The following CYP39A1 variants were observed in gnomAD, a reference collection of about 807,000 sequenced individuals.
CYP39A1 encodes cytochrome P450 family 39 subfamily A member 1, also known as 24-hydroxycholesterol 7-alpha-hydroxylase.
A neutral mutation model predicts 58.1 loss-of-function variants in CYP39A1; 49 were observed. The observed-to-expected ratio is 0.84, with a 90% CI of 0.67 to 1.07. CYP39A1 has a LOEUF of 1.07. Among genes scored for constraint, CYP39A1 ranks in the 50% least tolerant of loss-of-function variants. The pLI, the probability that CYP39A1 is intolerant of heterozygous loss-of-function variation, is 0.00. For missense variants in CYP39A1, 531 were observed against 539.4 expected (o/e 0.98, Z 0.16); for synonymous variants, 209 against 187.6 (o/e 1.11, Z -0.93).
chr6:46,592,111 A>G (rs1482211848), intron 8 of CYP39A1, among the ~76,000 whole-genome samples: 1 of 152,200 alleles, frequency 6.6e-6, no homozygotes, highest in African/African-American at 2.4e-5. Context: ...CATAATAAAG[A>G]GAAAGAAAGA....
intron 10 of CYP39A1, among the ~76,000 whole-genome samples, chr6:46,570,807 C>G (rs1450400214): frequency 6.6e-6 from 1 of 152,098 alleles, no homozygotes; most frequent in Admixed American, 6.6e-5. Flanking sequence ...AGGCCCCAAG[C>G]CATTCATGGG....
At chr6:46,562,431 C>A (rs1045092506) in intron 10 of CYP39A1, among the ~76,000 whole-genome samples, 1 of 151,956 alleles carries the variant, frequency 6.6e-6, no homozygotes, top group Non-Finnish European at 1.5e-5. Flanking sequence ...ATATTCAAAG[C>A]ATCATATAGT....
chr6:46,651,222 C>T, intron 1 of CYP39A1, among the ~76,000 whole-genome samples: 1 of 152,192 alleles, frequency 6.6e-6, no homozygotes, highest in East Asian at 1.9e-4. Flanking sequence ...ACCACACAAT[C>T]AATACATGCA....
At chr6:46,552,397 C>T (rs772831334) in intron 11 of CYP39A1, among the ~76,000 whole-genome samples, 83 of 152,258 alleles carry the variant, frequency 5.5e-4, no homozygotes, top group Middle Eastern at 3.4e-3. Context: ...CGATAAGTTA[C>T]TCGTCCTCAA....
chr6:46,600,466 C>T (rs1009374248), intron 7 of CYP39A1, among the ~76,000 whole-genome samples: 2 of 152,012 alleles, frequency 1.3e-5, no homozygotes, highest in Non-Finnish European at 2.9e-5. Context: ...TGAAGTGACT[C>T]TTGGAAATTA....
At chr6:46,560,347 T>C (rs1050052006) in intron 10 of CYP39A1, among the ~76,000 whole-genome samples, 45 of 152,184 alleles carry the variant, frequency 3.0e-4, no homozygotes, top group African/African-American at 8.9e-4. Flanking sequence ...TAGAACAGGA[T>C]GGTAGAAATA....
chr6:46,624,439 T>C (rs911294572), intron 7 of CYP39A1, among the ~76,000 whole-genome samples: 2 of 152,192 alleles, frequency 1.3e-5, no homozygotes, highest in Non-Finnish European at 2.9e-5. Flanking sequence ...ATGATAATGA[T>C]GCTCACCATT....
chr6:46,648,501 G>A (rs1299123057), intron 1 of CYP39A1, among the ~76,000 whole-genome samples: 7 of 121,088 alleles, frequency 5.8e-5, no homozygotes, highest in African/African-American at 9.4e-5. Flanking sequence ...ATCACACACC[G>A]GGGCCTGTTG....
At chr6:46,648,293 A>G (rs1329580363) in intron 1 of CYP39A1, among the ~76,000 whole-genome samples, 1 of 152,154 alleles carries the variant, frequency 6.6e-6, no homozygotes, top group Non-Finnish European at 1.5e-5. Context: ...CTGGATTAAG[A>G]AAATGTGGTA....
At chr6:46,635,983 T>G (rs1003247298) in intron 5 of CYP39A1, among the ~76,000 whole-genome samples, 14 of 152,196 alleles carry the variant, frequency 9.2e-5, no homozygotes, top group Non-Finnish European at 1.5e-4. Flanking sequence ...CCTGGCTTTT[T>G]AAATTATACT....
chr6:46,561,068 A>G (rs1770945044), intron 10 of CYP39A1, among the ~76,000 whole-genome samples: 1 of 152,186 alleles, frequency 6.6e-6, no homozygotes, highest in Non-Finnish European at 1.5e-5. Flanking sequence ...AGTAAATTAA[A>G]TGAGCTCACT....
chr6:46,615,692 A>G (rs1485078945), intron 7 of CYP39A1, among the ~76,000 whole-genome samples: 2 of 151,946 alleles, frequency 1.3e-5, no homozygotes, highest in East Asian at 1.9e-4. Flanking sequence ...CCAACCTAAT[A>G]TTAACCATTT....
chr6:46,649,436 G>A (rs1337542346), intron 1 of CYP39A1, among the ~76,000 whole-genome samples: 4 of 152,198 alleles, frequency 2.6e-5, no homozygotes, highest in South Asian at 2.1e-4. Flanking sequence ...CAAGGGAATC[G>A]TTGCAAGATC....
chr6:46,587,180 CA>C lies in CYP39A1; in HGVS notation c.1162-16del, dbSNP rs763347251. The stretch of plus-strand genomic sequence containing the variant: ...TTCCAACGTTCCTGTGGGAAGAAAA[CA>C]TTTTTTTTTCCAAATCAGCCTTATA... On this transcript the variant is annotated splice_polypyrimidine_tract_variant and intron_variant, in intron 9 of 11. Transcript: ENST00000275016. 1.9e-6 allele frequency: 3 copies of C among 1,557,012 alleles called. No individual in the cohort carries two copies. The highest frequency in any genetic ancestry group is 4.5e-5 in the East Asian group (2 of 44,302).
chr6:46,625,470 A>C lies in CYP39A1; in HGVS notation c.879T>G (p.Pro293=), dbSNP rs373018503. 1.5e-5 allele frequency: 24 copies of C among 1,611,342 alleles called. No individual in the cohort carries two copies. Among genetic ancestry groups the C allele is most frequent in the Non-Finnish European group, 2.0e-5 (23 of 1,178,586 alleles). ...FWTLAYVLSH[P]DIHKAIMEGI... is the part of the protein sequence containing the mutation. ...CTTCCATAATGGCCTTGTGGATATC[A>C]GGATGAGAAAGGACGTATGCAAGTG... Residue 293 remains proline, a synonymous_variant, in exon 7 of 12, where the codon CCT becomes CCG. Transcript: ENST00000275016.
At chr6:46,616,926 G>A (rs1774645672) in intron 7 of CYP39A1, among the ~76,000 whole-genome samples, 1 of 152,164 alleles carries the variant, frequency 6.6e-6, no homozygotes, top group African/African-American at 2.4e-5. Context: ...AGTGGAGAAA[G>A]AGAAGTTGAA....
intron 11 of CYP39A1, 60 bp downstream of exon 11, chr6:46,553,707 G>C (rs1038887425): frequency 8.9e-7 from 1 of 1,119,050 alleles, no homozygotes; most frequent in Non-Finnish European, 1.4e-6. Context: ...TGGGGGAAGT[G>C]GGGGTGGTTA....
chr6:46,634,710 T>C (rs1319787350), intron 5 of CYP39A1, among the ~76,000 whole-genome samples: 1 of 151,844 alleles, frequency 6.6e-6, no homozygotes, highest in Non-Finnish European at 1.5e-5. Flanking sequence ...TTAGTAGAGA[T>C]GAGGTTTCAC....
At chr6:46,584,569 A>C (rs1244085437) in intron 10 of CYP39A1, among the ~76,000 whole-genome samples, 2 of 152,062 alleles carry the variant, frequency 1.3e-5, no homozygotes, top group Non-Finnish European at 2.9e-5. Flanking sequence ...ACATGAATCC[A>C]CTCTGCCCAA....
Sources: gnomAD v4.1 joint callset for allele counts (sites outside exome capture counted in the v4.1 genomes callset) on GRCh38, gnomAD v4.1.1 for gene constraint, MANE v1.5 for transcripts, NCBI Gene and HGNC (gene_info 2026-07-23, HGNC 2026-07-21) for gene names.